RHBDD1: variants seen among roughly 807,000 people sequenced by gnomAD.
RHBDD1 encodes rhomboid-related protein 4.
Under a neutral mutation model 36.3 loss-of-function variants are expected in RHBDD1, and 38 were observed. That is an observed-to-expected ratio of 1.05 (90% CI 0.81 to 1.37). The LOEUF (loss-of-function observed/expected upper bound fraction) is 1.37. Ranked by LOEUF, RHBDD1 falls within the 40% of genes most tolerant of loss-of-function variation. The pLI is 0.00. For missense variants in RHBDD1, 393 were observed against 377.6 expected (o/e 1.04, Z -0.34); for synonymous variants, 151 against 136.5 (o/e 1.11, Z -0.74).
chr2:226,929,262 G>A (rs1949860944), intron 8 of RHBDD1, among the ~76,000 whole-genome samples: 1 of 152,020 alleles, frequency 6.6e-6, no homozygotes, highest in African/African-American at 2.4e-5. Context: ...CAAAATGCTA[G>A]CAAACTGAAT....
Position 226,979,337 on chromosome 2 carries a change from T to C in RHBDD1, c.857-16094T>C, listed in dbSNP as rs147248131. Among the ~76,000 whole-genome samples, 6 of 152,230 alleles carry C rather than the reference T, an allele frequency of 3.9e-5. No individual in the cohort carries two copies. In the East Asian group the frequency reaches 1.2e-3, roughly 29 times the overall value. On this transcript the variant is annotated intron_variant, in intron 8 of 8. Coordinates refer to ENST00000392062, the MANE Select transcript of RHBDD1 (RefSeq NM_001167608.3). ...AGAAGGGTGAGAAAAGCAGAATTTA[T>C]TGGGTGAAAAAAGGAAAAAACTCAG...
chr2:226,986,572 A>G (rs1050945291), intron 8 of RHBDD1, among the ~76,000 whole-genome samples: 9 of 152,252 alleles, frequency 5.9e-5, no homozygotes, highest in African/African-American at 1.9e-4. Flanking sequence ...CAAGAAGCAT[A>G]TGAAAAAAAG....
chr2:226,822,603 C>T, the RHBDD1 span, among the ~76,000 whole-genome samples: 1 of 140,720 alleles, frequency 7.1e-6, no homozygotes, highest in African/African-American at 2.7e-5. Flanking sequence ...CACTGCACTC[C>T]AGCTTAGGCG....
At chr2:226,913,207 CTG>C (rs1252056803) in intron 7 of RHBDD1, among the ~76,000 whole-genome samples, 1 of 152,052 alleles carries the variant, frequency 6.6e-6, no homozygotes, top group Non-Finnish European at 1.5e-5. Context: ...CTGCTGTACT[CTG>C]TGGGATAATA....
At chr2:226,987,395 A>G (rs1957215763) in intron 8 of RHBDD1, among the ~76,000 whole-genome samples, 1 of 152,026 alleles carries the variant, frequency 6.6e-6, no homozygotes, top group Non-Finnish European at 1.5e-5. Context: ...AATGTGTTGG[A>G]GGACATTGCC....
chr2:226,910,273 C>A (rs1380621074), intron 7 of RHBDD1, among the ~76,000 whole-genome samples: 1 of 152,042 alleles, frequency 6.6e-6, no homozygotes, highest in African/African-American at 2.4e-5. Context: ...GAATTAAGGG[C>A]AAAAATAATA....
At position 226,865,107 on chromosome 2, in the gene RHBDD1, C is replaced by G; in HGVS notation, c.414C>G (p.Ser138Arg). The change falls in exon 4 of 9, where the codon AGC becomes AGG. Residue 138 changes from serine (S) to arginine (R), a missense_variant. Physicochemically the swap from Ser to Arg is moderately radical, Grantham distance 110. Transcript: ENST00000392062. Reference protein sequence around the residue: ...EFMDEPDFKRSCAVGFSGVLF... With the variant: ...EFMDEPDFKRRCAVGFSGVLF... ...TGGATGAACCTGACTTCAAAAGGAGCTGTGCTGTAGGTTTCTCAGGTAAGG... is the reference window on the plus strand; with the variant it reads ...TGGATGAACCTGACTTCAAAAGGAGGTGTGCTGTAGGTTTCTCAGGTAAGG... 6.2e-7 allele frequency: 1 copy of G among 1,613,298 alleles called. No homozygotes were observed. The highest frequency in any genetic ancestry group is 8.5e-7 in the Non-Finnish European group (1 of 1,179,658).
intron 8 of RHBDD1, among the ~76,000 whole-genome samples, chr2:226,976,943 T>A (rs1954700590): frequency 6.6e-6 from 1 of 152,206 alleles, no homozygotes; most frequent in South Asian, 2.1e-4. Flanking sequence ...TATCTATTTC[T>A]TAGAGGCCCC....
At chr2:226,992,992 ATTC>A (rs1159155576) in intron 8 of RHBDD1, among the ~76,000 whole-genome samples, 2 of 152,122 alleles carry the variant, frequency 1.3e-5, no homozygotes, top group Non-Finnish European at 2.9e-5. Flanking sequence ...TGTGATGATT[ATTC>A]TTCTCATGAC....
chr2:226,801,387 A>C, the RHBDD1 span, among the ~76,000 whole-genome samples: 1 of 152,150 alleles, frequency 6.6e-6, no homozygotes, highest in Admixed American at 6.5e-5. Context: ...AAAAAGAAAA[A>C]GAAGATGATG....
At chr2:226,853,847 G>T (rs1222003093) in intron 3 of RHBDD1, among the ~76,000 whole-genome samples, 1 of 152,168 alleles carries the variant, frequency 6.6e-6, no homozygotes, top group Non-Finnish European at 1.5e-5. Context: ...AAGTCTGAAG[G>T]GCCGAAGCTC....
intron 3 of RHBDD1, among the ~76,000 whole-genome samples, chr2:226,840,790 GTTAC>G (rs767153097): frequency 9.9e-4 from 150 of 152,162 alleles, no homozygotes; most frequent in Non-Finnish European, 1.2e-3. Flanking sequence ...AAATATAAAT[GTTAC>G]TTACAATGAC....
chr2:226,875,373 A>G (rs554927241), intron 5 of RHBDD1, among the ~76,000 whole-genome samples: 1 of 152,360 alleles, frequency 6.6e-6, no homozygotes, highest in East Asian at 1.9e-4. Context: ...GTAAGGAGGT[A>G]GTAATCTTGA....
At chr2:226,870,099 C>T (rs759094322) in intron 5 of RHBDD1, among the ~76,000 whole-genome samples, 3 of 152,184 alleles carry the variant, frequency 2.0e-5, no homozygotes, top group Admixed American at 1.3e-4. Context: ...AGCCACTCAG[C>T]GACTATACTA....
chr2:226,817,218 C>A, the RHBDD1 span, among the ~76,000 whole-genome samples: 2 of 152,280 alleles, frequency 1.3e-5, no homozygotes, highest in African/African-American at 4.8e-5. Flanking sequence ...TATACTAATT[C>A]TTTGGGGATG....
the RHBDD1 span, among the ~76,000 whole-genome samples, chr2:226,811,869 G>A: frequency 2.0e-5 from 3 of 152,318 alleles, no homozygotes; most frequent in South Asian, 6.2e-4. Context: ...AGTTTTGACA[G>A]TCATAGGGTT....
At chr2:226,889,608 T>C (rs949865596) in intron 5 of RHBDD1, among the ~76,000 whole-genome samples, 2 of 152,250 alleles carry the variant, frequency 1.3e-5, no homozygotes, top group Admixed American at 6.5e-5. Context: ...CAAAGTGTTT[T>C]GTGGGTCAAA....
chr2:226,895,532 T>C (rs1478706177), intron 5 of RHBDD1: 1 of 268,290 alleles, frequency 3.7e-6, no homozygotes, highest in African/African-American at 2.3e-5. Context: ...AACACTAACC[T>C]CACAGAATCT....
intron 8 of RHBDD1, among the ~76,000 whole-genome samples, chr2:226,969,504 G>A (rs2149320755): frequency 6.6e-6 from 1 of 150,540 alleles, no homozygotes; most frequent in South Asian, 2.1e-4. Flanking sequence ...GCCTAAATAG[G>A]GAAAGGGAGT....
Sources: gnomAD v4.1 joint callset for allele counts (sites outside exome capture counted in the v4.1 genomes callset) on GRCh38, gnomAD v4.1.1 for gene constraint, MANE v1.5 for transcripts, NCBI Gene and HGNC (gene_info 2026-07-23, HGNC 2026-07-21) for gene names.